FAM227B: variants seen among roughly 807,000 people sequenced by gnomAD.
The protein encoded by FAM227B is family with sequence similarity 227 member B.
A neutral mutation model predicts 73.8 loss-of-function variants in FAM227B; 88 were observed. That is an observed-to-expected ratio of 1.19 (90% CI 1.00 to 1.42). The LOEUF (loss-of-function observed/expected upper bound fraction) is 1.42, where lower values mean the gene tolerates loss of function less well. FAM227B is among the 40% of genes most tolerant of loss of function. The pLI is 0.00. For synonymous variants in FAM227B, 210 were observed against 190.5 expected, an observed-to-expected ratio of 1.10 and a Z score of -0.84; for missense variants, 632 against 590.9, an observed-to-expected ratio of 1.07 and a Z score of -0.72.
intron 13 of FAM227B, among the ~76,000 whole-genome samples, chr15:49,340,619 T>G (rs533568420): frequency 6.6e-6 from 1 of 152,236 alleles, no homozygotes; most frequent in African/African-American, 2.4e-5. Context: ...TATTTATTAT[T>G]TGCTTGTTCA....
In FAM227B at chr15:49,574,084, A is replaced by C. The variant is rs571293135; in HGVS notation, c.645+927T>G. On this transcript the variant is annotated intron_variant, in intron 8 of 15. Coordinates refer to ENST00000299338, the MANE Select transcript of FAM227B (RefSeq NM_152647.3). ...ACTTTGTATGATGGATTAAAAAAAA[A>C]CTGACTTTGTAAGTTAAATGCCTTC... Among the ~76,000 whole-genome samples the C allele has an allele frequency of 3.3e-5, 5 of 152,258 alleles. No homozygotes were observed. The South Asian group carries it at 1.0e-3, about 32-fold the overall frequency.
At chr15:49,366,085 T>C in intron 13 of FAM227B, 5 of 846,536 alleles carry the variant, frequency 5.9e-6, no homozygotes, top group South Asian at 5.3e-5. Flanking sequence ...CAGTTGTCAC[T>C]GCTTTCAAGT....
intron 9 of FAM227B, among the ~76,000 whole-genome samples, chr15:49,551,066 C>T (rs954029603): frequency 5.3e-5 from 8 of 152,352 alleles, no homozygotes; most frequent in African/African-American, 1.2e-4. Flanking sequence ...GATCACTCGC[C>T]GCTAGGAGCT....
intron 11 of FAM227B, among the ~76,000 whole-genome samples, chr15:49,445,229 G>A (rs1402208539): frequency 6.6e-6 from 1 of 151,538 alleles, no homozygotes; most frequent in Non-Finnish European, 1.5e-5. Flanking sequence ...CCCAGGTACT[G>A]AGCATAGTAC....
At chr15:49,525,939 G>C (rs1261295743) in intron 10 of FAM227B, among the ~76,000 whole-genome samples, 1 of 151,582 alleles carries the variant, frequency 6.6e-6, no homozygotes, top group Non-Finnish European at 1.5e-5. Context: ...GAGATGGACA[G>C]CAATACAGTA....
At chr15:49,617,826 G>A (rs761115491) in intron 1 of FAM227B, among the ~76,000 whole-genome samples, 24 of 150,794 alleles carry the variant, frequency 1.6e-4, no homozygotes, top group Admixed American at 1.3e-3. Flanking sequence ...CACTCTTGTC[G>A]CCCAGCATAG....
chr15:49,407,671 A>G (rs1596985138), intron 11 of FAM227B, among the ~76,000 whole-genome samples: 2 of 148,234 alleles, frequency 1.3e-5, no homozygotes, highest in East Asian at 3.9e-4. Flanking sequence ...TTAATTATAT[A>G]TAGTACTAAT....
chr15:49,477,298 T>C (rs907663369), intron 11 of FAM227B, among the ~76,000 whole-genome samples: 9 of 152,222 alleles, frequency 5.9e-5, no homozygotes, highest in African/African-American at 2.2e-4. Flanking sequence ...CAGAATAGTT[T>C]CACTGATTTA....
intron 13 of FAM227B, among the ~76,000 whole-genome samples, chr15:49,345,939 C>G (rs2041414041): frequency 6.6e-6 from 1 of 152,032 alleles, no homozygotes; most frequent in African/African-American, 2.4e-5. Flanking sequence ...AAGAATGGCC[C>G]AGGGGCAAAT....
intron 11 of FAM227B, among the ~76,000 whole-genome samples, chr15:49,452,548 T>C (rs1453215877): frequency 6.6e-6 from 1 of 152,192 alleles, no homozygotes. Context: ...GATTTTTTAA[T>C]GCAGTTACAA....
At chr15:49,393,880 A>G (rs956273481) in intron 11 of FAM227B, among the ~76,000 whole-genome samples, 2 of 152,224 alleles carry the variant, frequency 1.3e-5, no homozygotes, top group East Asian at 1.9e-4. Flanking sequence ...AACATAATCT[A>G]AGAACCAATT....
intron 11 of FAM227B, among the ~76,000 whole-genome samples, chr15:49,502,462 G>C (rs1032442328): frequency 6.6e-6 from 1 of 152,234 alleles, no homozygotes; most frequent in Non-Finnish European, 1.5e-5. Context: ...TTTAATGACT[G>C]CTCTGCCAGG....
chr15:49,528,667 G>C (rs1229142440), intron 10 of FAM227B, among the ~76,000 whole-genome samples: 1 of 151,720 alleles, frequency 6.6e-6, no homozygotes, highest in Non-Finnish European at 1.5e-5. Context: ...AGTGGGCAAA[G>C]GATATGAACA....
intron 11 of FAM227B, among the ~76,000 whole-genome samples, chr15:49,399,715 A>G (rs2151624131): frequency 7.1e-6 from 1 of 140,384 alleles, no homozygotes; most frequent in Non-Finnish European, 1.6e-5. Flanking sequence ...CAATAAATGT[A>G]ATCCAGCATA....
intron 11 of FAM227B, among the ~76,000 whole-genome samples, chr15:49,406,440 C>T (rs537204329): frequency 3.1e-4 from 47 of 151,992 alleles, no homozygotes; most frequent in African/African-American, 1.1e-3. Context: ...GGTGTTGGGG[C>T]GCTGGAGGGC....
At chr15:49,501,576 G>T (rs536552269) in intron 11 of FAM227B, among the ~76,000 whole-genome samples, 1 of 151,630 alleles carries the variant, frequency 6.6e-6, no homozygotes, top group African/African-American at 2.4e-5. Context: ...AATGATAAAT[G>T]TGGAACTTAT....
chr15:49,538,789 G>A (rs2070638742), intron 10 of FAM227B, among the ~76,000 whole-genome samples: 1 of 151,802 alleles, frequency 6.6e-6, no homozygotes, highest in South Asian at 2.1e-4. Flanking sequence ...TTAAACTCCA[G>A]AGTTCTGGTT....
intron 3 of FAM227B, among the ~76,000 whole-genome samples, chr15:49,600,365 T>TA (rs1726988442): frequency 2.0e-5 from 3 of 149,336 alleles, no homozygotes; most frequent in Admixed American, 6.7e-5. Flanking sequence ...TTTTTTTTTT[T>TA]AAATCCGGCC....
chr15:49,599,511 A>AT (rs2077065648), intron 3 of FAM227B, among the ~76,000 whole-genome samples: 1 of 151,854 alleles, frequency 6.6e-6, no homozygotes, highest in Non-Finnish European at 1.5e-5. Context: ...TGTTCTAGTT[A>AT]CTTGAGATAT....
Sources: allele counts gnomAD v4.1 joint callset (sites outside exome capture counted in the v4.1 genomes callset), GRCh38; gene constraint gnomAD v4.1.1; transcripts MANE v1.5; gene names NCBI Gene and HGNC (gene_info 2026-07-23, HGNC 2026-07-21).